MALRD1: variants seen among roughly 807,000 people sequenced by gnomAD.
MALRD1 encodes MAM and LDL receptor class A domain containing 1, also known as MAM and LDL-receptor class A domain-containing protein 1.
Under a neutral mutation model 242.1 loss-of-function variants are expected in MALRD1, and 247 were observed. That is an observed-to-expected ratio of 1.02 (90% CI 0.92 to 1.13). The LOEUF (loss-of-function observed/expected upper bound fraction) is 1.13, where lower values mean the gene tolerates loss of function less well. MALRD1 is among the 50% of genes most tolerant of loss of function. The probability of loss-of-function intolerance (pLI) is 0.00; values close to 1 mark genes in which losing one functional copy is unlikely to be tolerated. For synonymous variants in MALRD1, 995 were observed against 866.6 expected (o/e 1.15, Z -2.60); for missense variants, 2,989 against 2,533.1 (o/e 1.18, Z -3.86).
At chr10:19,671,930 C>G (rs1564530690) in intron 36 of MALRD1, among the ~76,000 whole-genome samples, 1 of 150,746 alleles carries the variant, frequency 6.6e-6, no homozygotes, top group African/African-American at 2.4e-5. Context: ...TTGCTCTTTT[C>G]TTTTTTTTTC....
At chr10:19,454,711 C>T (rs999742405) in intron 29 of MALRD1, among the ~76,000 whole-genome samples, 24 of 103,396 alleles carry the variant, frequency 2.3e-4, no homozygotes, top group Non-Finnish European at 3.9e-4. Context: ...TCCGTGCACA[C>T]GTACACACAC....
At chr10:19,213,235 T>G (rs1253833483) in intron 18 of MALRD1, among the ~76,000 whole-genome samples, 1 of 152,218 alleles carries the variant, frequency 6.6e-6, no homozygotes, top group Non-Finnish European at 1.5e-5. Flanking sequence ...TAAATTCAGT[T>G]ACTTGAAATT....
At chr10:19,671,817 T>TG (rs1258727934) in intron 36 of MALRD1, among the ~76,000 whole-genome samples, 3 of 152,168 alleles carry the variant, frequency 2.0e-5, no homozygotes, top group Admixed American at 6.5e-5. Flanking sequence ...GTAGATGGGA[T>TG]GGGGCAAAAT....
chr10:19,622,580 T>C (rs1391136897), intron 36 of MALRD1, among the ~76,000 whole-genome samples: 2 of 150,606 alleles, frequency 1.3e-5, no homozygotes, highest in African/African-American at 2.4e-5. Flanking sequence ...AAGGTTTTCA[T>C]AGGGGTAAAC....
At chr10:19,309,259 G>C (rs1842334739) in intron 21 of MALRD1, among the ~76,000 whole-genome samples, 1 of 151,396 alleles carries the variant, frequency 6.6e-6, no homozygotes, top group South Asian at 2.1e-4. Flanking sequence ...TCAATGTGGT[G>C]CCTTTACCTT....
At chr10:19,633,073 G>C (rs904323235) in intron 36 of MALRD1, among the ~76,000 whole-genome samples, 1 of 151,908 alleles carries the variant, frequency 6.6e-6, no homozygotes, top group Non-Finnish European at 1.5e-5. Flanking sequence ...CTCTACTAAA[G>C]ATACAAAAAT....
intron 36 of MALRD1, among the ~76,000 whole-genome samples, chr10:19,631,457 G>A (rs7902178): frequency 0.095 from 14,448 of 152,056 alleles, 1,767 homozygotes; most frequent in African/African-American, 0.28. Flanking sequence ...ATGAACATAC[G>A]CATGCATGTG....
chr10:19,057,163 T>G (rs1260074054), intron 1 of MALRD1, among the ~76,000 whole-genome samples: 2 of 152,212 alleles, frequency 1.3e-5, no homozygotes, highest in Non-Finnish European at 2.9e-5. Context: ...CTGGCTTTAT[T>G]ATCAAGGTAA....
intron 4 of MALRD1, among the ~76,000 whole-genome samples, chr10:19,100,374 A>T (rs1438361182): frequency 2.0e-5 from 3 of 151,078 alleles, no homozygotes; most frequent in Non-Finnish European, 2.9e-5. Context: ...TCAAATAAAC[A>T]TATAATATCT....
chr10:19,185,745 A>G (rs756340474), intron 14 of MALRD1, among the ~76,000 whole-genome samples: 3 of 151,804 alleles, frequency 2.0e-5, no homozygotes, highest in Non-Finnish European at 4.4e-5. Flanking sequence ...GTTTTCTTTT[A>G]TTACATAAAT....
intron 12 of MALRD1, among the ~76,000 whole-genome samples, chr10:19,162,465 G>T (rs928719871): frequency 6.6e-6 from 1 of 152,084 alleles, no homozygotes; most frequent in Non-Finnish European, 1.5e-5. Flanking sequence ...TCATGATTTG[G>T]AGTTTAAGGT....
intron 33 of MALRD1, among the ~76,000 whole-genome samples, chr10:19,591,504 T>G (rs1837783236): frequency 6.6e-6 from 1 of 150,752 alleles, no homozygotes; most frequent in Admixed American, 6.6e-5. Context: ...TTAGTTTTTT[T>G]TTTTTTTTTT....
At chr10:19,355,859 T>TATATATATATATAC (rs1348787430) in intron 26 of MALRD1, among the ~76,000 whole-genome samples, 6 of 18,260 alleles carry the variant, frequency 3.3e-4, no homozygotes, top group African/African-American at 8.8e-4. Context: ...ATATATATAT[T>TATATATATATATAC]ATATATGATA....
chr10:19,203,986 T>C, intron 15 of MALRD1, 106 bp downstream of exon 15: 2 of 1,327,122 alleles, frequency 1.5e-6, no homozygotes, highest in Non-Finnish European at 2.1e-6. Flanking sequence ...CAACAAACAG[T>C]CAGATAGTTG....
At chr10:19,065,542 A>T (rs763019895) in intron 1 of MALRD1, among the ~76,000 whole-genome samples, 7 of 152,110 alleles carry the variant, frequency 4.6e-5, no homozygotes, top group Non-Finnish European at 1.0e-4. Context: ...TTTGGTCAGC[A>T]GAGTTGTGAC....
At chr10:19,088,589 ATTT>A (rs1221146612) in intron 4 of MALRD1, among the ~76,000 whole-genome samples, 1 of 60,270 alleles carries the variant, frequency 1.7e-5, no homozygotes, top group South Asian at 5.3e-4. Flanking sequence ...TTATTTATTT[ATTT>A]TTTTTTATTA....
intron 33 of MALRD1, among the ~76,000 whole-genome samples, chr10:19,569,847 A>G (rs553244798): frequency 6.7e-6 from 1 of 148,722 alleles, no homozygotes; most frequent in South Asian, 2.1e-4. Flanking sequence ...ATAATGGAAT[A>G]ATACATAATT....
At chr10:19,227,489 G>C (rs887754637) in intron 18 of MALRD1, among the ~76,000 whole-genome samples, 8 of 151,880 alleles carry the variant, frequency 5.3e-5, no homozygotes, top group East Asian at 1.9e-4. Flanking sequence ...GTATTTTATA[G>C]ATAATGTAAA....
Position 19,048,876 on chromosome 10 carries a change from A to G in MALRD1, c.-63A>G. 1 of 1,154,346 alleles carries G rather than the reference A, an allele frequency of 8.7e-7. No homozygotes were observed. 71.5% of individuals were successfully genotyped at this position (1,154,346 alleles called of 1,614,324 possible). On this transcript the variant is annotated 5_prime_UTR_variant, in exon 1 of 40. Coordinates refer to ENST00000454679, the MANE Select transcript of MALRD1 (RefSeq NM_001142308.3). ...GAAAGGAAGAATAGAGAAATAAAAGAATGTTTCCAATGATGGACTTACTTA... is the reference window on the plus strand; with the variant it reads ...GAAAGGAAGAATAGAGAAATAAAAGGATGTTTCCAATGATGGACTTACTTA...
Sources: gnomAD v4.1 joint callset for allele counts (sites outside exome capture counted in the v4.1 genomes callset) on GRCh38, gnomAD v4.1.1 for gene constraint, MANE v1.5 for transcripts, NCBI Gene and HGNC (gene_info 2026-07-23, HGNC 2026-07-21) for gene names.